CSMD2: variants seen among roughly 807,000 people sequenced by gnomAD.
CSMD2 encodes CUB and Sushi multiple domains 2.
A neutral mutation model predicts 398.5 loss-of-function variants in CSMD2; 130 were observed. The observed-to-expected ratio is 0.33, with a 90% CI of 0.28 to 0.38. CSMD2 has a LOEUF of 0.38. CSMD2 is among the 10% of genes least tolerant of loss of function. The probability of loss-of-function intolerance (pLI) is 1.00; values close to 1 mark genes in which losing one functional copy is unlikely to be tolerated. For synonymous variants in CSMD2, 1,828 were observed against 1,908.5 expected, an observed-to-expected ratio of 0.96 and a Z score of 1.10; for missense variants, 3,829 against 4,764.9, an observed-to-expected ratio of 0.80 and a Z score of 5.78.
intron 48 of CSMD2, among the ~76,000 whole-genome samples, chr1:33,579,182 A>G (rs955073271): frequency 2.0e-5 from 3 of 152,226 alleles, no homozygotes; most frequent in Non-Finnish European, 4.4e-5. Context: ...TCAGTTCCTA[A>G]TTTAGCAACC....
intron 22 of CSMD2, among the ~76,000 whole-genome samples, chr1:33,705,324 C>T (rs191512553): frequency 3.8e-5 from 5 of 133,054 alleles, no homozygotes; most frequent in Admixed American, 7.4e-5. Context: ...TTCACTGTAA[C>T]GTGCAATACA....
chr1:33,675,415 G>A (rs181359663), intron 25 of CSMD2, among the ~76,000 whole-genome samples: 7 of 152,284 alleles, frequency 4.6e-5, no homozygotes, highest in Admixed American at 2.0e-4. Context: ...CCAGGAAGAA[G>A]TTGAATCTCT....
chr1:33,780,426 A>C (rs902760379), intron 12 of CSMD2, among the ~76,000 whole-genome samples: 2 of 152,178 alleles, frequency 1.3e-5, no homozygotes, highest in Non-Finnish European at 2.9e-5. Context: ...CACGATTGCC[A>C]CAAGTGGAAT....
At chr1:34,079,258 A>G (rs1656776118) in intron 2 of CSMD2, among the ~76,000 whole-genome samples, 1 of 152,176 alleles carries the variant, frequency 6.6e-6, no homozygotes, top group South Asian at 2.1e-4. Flanking sequence ...GAGGTTCTAG[A>G]CAGCACAATC....
chr1:33,709,348 A>G, intron 21 of CSMD2, 90 bp from the exon 22 acceptor site: 1 of 1,209,934 alleles, frequency 8.3e-7, no homozygotes, highest in Non-Finnish European at 1.2e-6. Context: ...GACAAAGATG[A>G]CAAGTCGTTT....
At chr1:34,092,728 T>C (rs1369131236) in intron 1 of CSMD2, among the ~76,000 whole-genome samples, 5 of 151,710 alleles carry the variant, frequency 3.3e-5, no homozygotes, top group African/African-American at 4.8e-5. Context: ...CACCACGAGA[T>C]TATATCCCGC....
chr1:34,082,186 G>A (rs1458367963), intron 2 of CSMD2, among the ~76,000 whole-genome samples: 37 of 150,084 alleles, frequency 2.5e-4, no homozygotes, highest in South Asian at 6.4e-4. Context: ...GAGGTGAGGA[G>A]CGTCTCTACC....
At chr1:33,833,953 G>A (rs1659927648) in intron 6 of CSMD2, among the ~76,000 whole-genome samples, 1 of 149,878 alleles carries the variant, frequency 6.7e-6, no homozygotes, top group Non-Finnish European at 1.5e-5. Flanking sequence ...GGGATGTGAA[G>A]GAACTCTTCA....
rs575539227 is a variant in CSMD2, at chr1:34,088,838, G to A, written c.404+139C>T. ...GCAAGAGACATGAATTGGAAAACCA[G>A]AGGGGTTGAGGGAGGACATCATGAA... is the stretch of plus-strand genomic sequence containing the variant. On this transcript the variant is annotated intron_variant, in intron 2 of 70. Transcript: ENST00000373381. The A allele has an allele frequency of 6.1e-4, 434 of 708,268 alleles. 3 individuals are homozygous for A. The South Asian group carries it at 7.4e-3, about 12-fold the overall frequency. The allele number at this position is 708,268 out of a possible 1,614,324, so 43.9% of individuals were successfully genotyped here.
intron 16 of CSMD2, among the ~76,000 whole-genome samples, 197 bp downstream of exon 16, chr1:33,726,350 C>A (rs918965817): frequency 6.6e-6 from 1 of 152,178 alleles, no homozygotes; most frequent in Non-Finnish European, 1.5e-5. Flanking sequence ...TGCCATAGTC[C>A]CCTAAACAGC....
intron 10 of CSMD2, among the ~76,000 whole-genome samples, chr1:33,802,016 A>G (rs1203076208): frequency 1.3e-5 from 2 of 152,214 alleles, no homozygotes; most frequent in Non-Finnish European, 2.9e-5. Flanking sequence ...ACTGAATCAG[A>G]TCTTTGGGGA....
At chr1:33,973,730 G>A (rs113584826) in intron 3 of CSMD2, among the ~76,000 whole-genome samples, 8 of 152,162 alleles carry the variant, frequency 5.3e-5, no homozygotes, top group African/African-American at 1.4e-4. Flanking sequence ...ACTCCTACAC[G>A]AGAAGGAAGA....
At chr1:33,581,589 A>AAAAAATAT (rs1469088450) in intron 47 of CSMD2, among the ~76,000 whole-genome samples, 1 of 151,660 alleles carries the variant, frequency 6.6e-6, no homozygotes, top group Non-Finnish European at 1.5e-5. Flanking sequence ...GCCATATAGA[A>AAAAAATAT]AAAAATATTT....
At chr1:33,772,468 A>G in intron 13 of CSMD2, 101 bp downstream of exon 13, 1 of 1,016,376 alleles carries the variant, frequency 9.8e-7, no homozygotes. Context: ...CTGTTGTTAC[A>G]ACCTGCAAGG....
intron 59 of CSMD2, 97 bp downstream of exon 59, chr1:33,541,033 C>A: frequency 7.8e-7 from 1 of 1,284,602 alleles, no homozygotes; most frequent in South Asian, 1.4e-5. Flanking sequence ...TAGGGCTGGC[C>A]TTTCACCCCT....
At chr1:33,724,912 A>T (rs952348830) in intron 17 of CSMD2, among the ~76,000 whole-genome samples, 5 of 152,200 alleles carry the variant, frequency 3.3e-5, no homozygotes, top group Non-Finnish European at 7.3e-5. Flanking sequence ...CCTTGTCCTC[A>T]TGGTGCTCGC....
At chr1:33,538,735 A>G (rs978426196) in intron 60 of CSMD2, among the ~76,000 whole-genome samples, 6 of 152,318 alleles carry the variant, frequency 3.9e-5, no homozygotes, top group Middle Eastern at 3.4e-3. Flanking sequence ...TGTGATGCCA[A>G]TTAAAGTAAT....
intron 13 of CSMD2, among the ~76,000 whole-genome samples, chr1:33,749,188 C>G (rs930348408): frequency 4.0e-5 from 6 of 151,342 alleles, no homozygotes; most frequent in East Asian, 3.9e-4. Flanking sequence ...GGCTCCACCC[C>G]CCCAGGTTCA....
At chr1:33,687,253 A>C (rs1645089735) in intron 25 of CSMD2, among the ~76,000 whole-genome samples, 1 of 152,262 alleles carries the variant, frequency 6.6e-6, no homozygotes, top group Non-Finnish European at 1.5e-5. Flanking sequence ...ACACAGGGAA[A>C]AACTGACAAC....
Sources: gnomAD v4.1 joint callset for allele counts (sites outside exome capture counted in the v4.1 genomes callset) on GRCh38, gnomAD v4.1.1 for gene constraint, MANE v1.5 for transcripts, NCBI Gene and HGNC (gene_info 2026-07-23, HGNC 2026-07-21) for gene names.